The following GABRA1 variants were observed in gnomAD, a reference collection of about 807,000 sequenced individuals.
The protein encoded by GABRA1 is gamma-aminobutyric acid type A receptor subunit alpha1, also known as gamma-aminobutyric acid receptor subunit alpha-1.
In GABRA1, 9 loss-of-function variants were observed where a neutral mutation model predicts 48.9. The ratio of observed to expected loss-of-function variants is 0.18; its 90% CI spans 0.11 to 0.32. The LOEUF (loss-of-function observed/expected upper bound fraction) is 0.32, where lower values mean the gene tolerates loss of function less well. Ranked by LOEUF, GABRA1 falls within the 10% of genes least tolerant of loss-of-function variation. The pLI is 1.00. For synonymous variants in GABRA1, 210 were observed against 198.7 expected, an observed-to-expected ratio of 1.06 and a Z score of -0.48; for missense variants, 285 against 553.8, an observed-to-expected ratio of 0.51 and a Z score of 4.87.
rs750723289 is a variant in GABRA1, at chr5:161,875,675, T to C, written c.559+33T>C. ...AATTTATATGGACTTTTCTTGATTGTAAGTCATTAAGCAAGAGATCTCTAG... is the reference window on the plus strand; with the variant it reads ...AATTTATATGGACTTTTCTTGATTGCAAGTCATTAAGCAAGAGATCTCTAG... On this transcript the variant is annotated intron_variant, in intron 6 of 9. Transcript: ENST00000393943. The C allele has an allele frequency of 4.8e-6, 7 of 1,448,304 alleles. No homozygotes were observed. In the East Asian group the frequency reaches 1.4e-4, roughly 28 times the overall value. 89.7% of individuals were successfully genotyped at this position (1,448,304 alleles called of 1,614,324 possible). A position where few individuals can be genotyped will look rare whatever the true frequency, so the allele number is the denominator to read the frequency against.
Position 161,899,553 on chromosome 5 carries a change from C to A in GABRA1, c.*2131C>A, listed in dbSNP as rs1274307747. 1 of 152,074 alleles carries A rather than the reference C, an allele frequency of 6.6e-6. No individual in the cohort carries two copies. Among genetic ancestry groups the A allele is most frequent in the Non-Finnish European group, 1.5e-5 (1 of 67,984 alleles). 9.4% of individuals were successfully genotyped at this position (152,074 alleles called of 1,614,324 possible). A position where few individuals can be genotyped will look rare whatever the true frequency, so the allele number is the denominator to read the frequency against. On this transcript the variant is annotated 3_prime_UTR_variant, in exon 10 of 10. Transcript: ENST00000393943. ...TGAATATTTCTTATTAGTCTGCTTC[C>A]TGCTACGCAATGACTGCATTTCTAT...
chr5:161,885,442 T>C (rs961610033), intron 7 of GABRA1, among the ~76,000 whole-genome samples: 1 of 152,142 alleles, frequency 6.6e-6, no homozygotes, highest in Non-Finnish European at 1.5e-5. Context: ...ATAAAAGGCA[T>C]CTTCTTCTAC....
At chr5:161,889,559 G>T (rs556466029) in intron 7 of GABRA1, among the ~76,000 whole-genome samples, 2 of 152,096 alleles carry the variant, frequency 1.3e-5, no homozygotes, top group Non-Finnish European at 2.9e-5. Flanking sequence ...ATATTCAGCT[G>T]CAGAAGATAG....
In GABRA1 at chr5:161,882,683, A is replaced by G. The variant is rs1425559432; in HGVS notation, c.685A>G (p.Ile229Val). Reference sequence around the variant, plus strand: ...TCTTGGACAAACAGTAGACTCTGGAATTGTCCAGTCAAGTACAGGTAAGTA... The same window carrying G: ...TCTTGGACAAACAGTAGACTCTGGAGTTGTCCAGTCAAGTACAGGTAAGTA... The part of the protein sequence containing the change: ...DLLGQTVDSG[I>V]VQSSTGEYVV... Residue 229 changes from isoleucine to valine, a missense_variant, in exon 7 of 10, where the codon ATT (isoleucine) becomes GTT (valine). Physicochemically the swap from Ile to Val is conservative, Grantham distance 29 (BLOSUM62 3). Transcript: ENST00000393943. 1.9e-6 allele frequency: 3 copies of G among 1,613,404 alleles called. No homozygotes were observed. In the East Asian group the frequency reaches 6.7e-5, roughly 36 times the overall value.
chr5:161,880,263 C>T (rs1428357283), intron 6 of GABRA1, among the ~76,000 whole-genome samples: 2 of 152,150 alleles, frequency 1.3e-5, no homozygotes, highest in Non-Finnish European at 2.9e-5. Flanking sequence ...TTCAATCATT[C>T]CATGTTACCA....
At chr5:161,849,036 G>A (rs1179222952) in intron 1 of GABRA1, 1 of 453,978 alleles carries the variant, frequency 2.2e-6, no homozygotes, top group South Asian at 1.6e-5. Context: ...GCATGGGATG[G>A]TAACGTTTGG....
intron 5 of GABRA1, among the ~76,000 whole-genome samples, chr5:161,874,539 C>G (rs376548849): frequency 6.6e-6 from 1 of 152,034 alleles, no homozygotes; most frequent in South Asian, 2.1e-4. Flanking sequence ...ACTTGCATAT[C>G]CTAAGTGGTT....
chr5:161,857,166 A>C (rs1486101577), intron 3 of GABRA1, among the ~76,000 whole-genome samples: 1 of 151,442 alleles, frequency 6.6e-6, no homozygotes, highest in Non-Finnish European at 1.5e-5. Context: ...GATCACAGCT[A>C]GGATGATTTC....
intron 3 of GABRA1, among the ~76,000 whole-genome samples, chr5:161,858,177 A>G (rs990890763): frequency 5.3e-5 from 8 of 151,446 alleles, no homozygotes; most frequent in African/African-American, 1.9e-4. Context: ...AATCAGGACG[A>G]AACCAAAATT....
intron 3 of GABRA1, among the ~76,000 whole-genome samples, chr5:161,862,223 A>G (rs1757890060): frequency 6.6e-6 from 1 of 151,822 alleles, no homozygotes; most frequent in South Asian, 2.1e-4. Flanking sequence ...ATAAAGGTCA[A>G]CTGCTAGCTG....
At chr5:161,881,540 T>TA (rs1361776828) in intron 6 of GABRA1, among the ~76,000 whole-genome samples, 4 of 152,158 alleles carry the variant, frequency 2.6e-5, no homozygotes, top group African/African-American at 9.7e-5. Context: ...GGAAAATATC[T>TA]ATAAGAAGGA....
At chr5:161,889,411 C>G (rs1194234569) in intron 7 of GABRA1, among the ~76,000 whole-genome samples, 1 of 152,018 alleles carries the variant, frequency 6.6e-6, no homozygotes, top group Non-Finnish European at 1.5e-5. Context: ...AGCTACACGG[C>G]AAGAAAATAG....
intron 3 of GABRA1, among the ~76,000 whole-genome samples, chr5:161,855,226 G>T (rs1025469538): frequency 6.6e-6 from 1 of 151,514 alleles, no homozygotes; most frequent in African/African-American, 2.4e-5. Flanking sequence ...GATAAGCAAA[G>T]AATAAAAAGC....
In GABRA1 at chr5:161,872,925, A is replaced by G. The variant is rs184709224; in HGVS notation, c.256-192A>G. On this transcript the variant is annotated intron_variant, in intron 4 of 9. Coordinates refer to ENST00000393943, the MANE Select transcript of GABRA1 (RefSeq NM_001127644.2). ...GTCAGGCATTTTAGATATTTTTTTT[A>G]AAAAATCATTACACCAACCAGTGAT... The G allele has an allele frequency of 2.1e-5, 12 of 574,108 alleles. No individual in the cohort carries two copies. In the African/African-American group the frequency reaches 2.3e-4, roughly 11 times the overall value. The allele number at this position is 574,108 out of a possible 1,614,324, so 35.6% of individuals were successfully genotyped here.
intron 3 of GABRA1, among the ~76,000 whole-genome samples, chr5:161,860,584 T>C (rs1757814374): frequency 6.6e-6 from 1 of 151,742 alleles, no homozygotes; most frequent in African/African-American, 2.4e-5. Flanking sequence ...CACAACAGGG[T>C]GACTATAATC....
intron 6 of GABRA1, among the ~76,000 whole-genome samples, chr5:161,880,081 A>T (rs915023397): frequency 2.0e-5 from 3 of 152,186 alleles, no homozygotes; most frequent in African/African-American, 7.2e-5. Context: ...TGCCTAGAAA[A>T]ACACTTACAA....
intron 7 of GABRA1, among the ~76,000 whole-genome samples, chr5:161,883,453 T>C (rs1265757615): frequency 6.6e-6 from 1 of 152,156 alleles, no homozygotes; most frequent in Non-Finnish European, 1.5e-5. Flanking sequence ...AAAGTTTTGT[T>C]ATTCAAGTGT....
At chr5:161,852,126 G>A (rs1757468680) in intron 2 of GABRA1, among the ~76,000 whole-genome samples, 1 of 148,896 alleles carries the variant, frequency 6.7e-6, no homozygotes, top group Non-Finnish European at 1.5e-5. Flanking sequence ...AAAAAATCAC[G>A]TAAAATAAAG....
At chr5:161,862,264 A>C (rs113918482) in intron 3 of GABRA1, among the ~76,000 whole-genome samples, 1 of 151,688 alleles carries the variant, frequency 6.6e-6, no homozygotes, top group African/African-American at 2.4e-5. Flanking sequence ...ATATGGTCCC[A>C]CCTACCTCTA....
Sources: allele counts gnomAD v4.1 joint callset (sites outside exome capture counted in the v4.1 genomes callset), GRCh38; gene constraint gnomAD v4.1.1; transcripts MANE v1.5; gene names NCBI Gene and HGNC (gene_info 2026-07-23, HGNC 2026-07-21).